SLCO1B1: variants seen among roughly 807,000 people sequenced by gnomAD.
SLCO1B1 encodes the protein solute carrier organic anion transporter family member 1B1.
In SLCO1B1, 81 loss-of-function variants were observed where a neutral mutation model predicts 70.1. That is an observed-to-expected ratio of 1.16 (90% CI 0.97 to 1.39). The LOEUF is 1.39. Ranked by LOEUF, SLCO1B1 falls within the 40% of genes most tolerant of loss-of-function variation. SLCO1B1 has a pLI of 0.00. For synonymous variants in SLCO1B1, 283 were observed against 271.5 expected, an observed-to-expected ratio of 1.04 and a Z score of -0.42; for missense variants, 895 against 799.6, an observed-to-expected ratio of 1.12 and a Z score of -1.44.
intron 2 of SLCO1B1, among the ~76,000 whole-genome samples, chr12:21,170,974 A>G (rs532493895): frequency 1.3e-5 from 2 of 152,332 alleles, no homozygotes; most frequent in African/African-American, 4.8e-5. Context: ...TCTTTGTGAC[A>G]GACACTGTCC....
intron 2 of SLCO1B1, among the ~76,000 whole-genome samples, chr12:21,162,563 T>A (rs557652014): frequency 3.9e-5 from 6 of 152,270 alleles, no homozygotes; most frequent in Admixed American, 2.0e-4. Flanking sequence ...TTCCCGTTGC[T>A]TCAAATGGAG....
chr12:21,169,663 T>C (rs1591807083), intron 2 of SLCO1B1, among the ~76,000 whole-genome samples: 1 of 152,308 alleles, frequency 6.6e-6, no homozygotes, highest in East Asian at 1.9e-4. Context: ...TTTTAATTCA[T>C]TGCACTACTT....
At chr12:21,133,879 A>T (rs904280156) in intron 1 of SLCO1B1, among the ~76,000 whole-genome samples, 4 of 152,102 alleles carry the variant, frequency 2.6e-5, no homozygotes, top group African/African-American at 9.7e-5. Flanking sequence ...GTTGAATAGG[A>T]GCAGTGAGAG....
chr12:21,220,327 A>G (rs1379111802), intron 12 of SLCO1B1, among the ~76,000 whole-genome samples: 1 of 152,196 alleles, frequency 6.6e-6, no homozygotes, highest in African/African-American at 2.4e-5. Context: ...CCTTGATGCC[A>G]GAGCCATAAA....
At chr12:21,153,956 A>C (rs562601365) in intron 2 of SLCO1B1, among the ~76,000 whole-genome samples, 1 of 152,160 alleles carries the variant, frequency 6.6e-6, no homozygotes, top group South Asian at 2.1e-4. Flanking sequence ...AAAAGCACAG[A>C]GGTAAATTTT....
intron 12 of SLCO1B1, among the ~76,000 whole-genome samples, chr12:21,220,527 T>C (rs1941411060): frequency 6.6e-6 from 1 of 152,040 alleles, no homozygotes; most frequent in African/African-American, 2.4e-5. Flanking sequence ...AATGAGATCT[T>C]CTAGGGACTG....
intron 2 of SLCO1B1, among the ~76,000 whole-genome samples, chr12:21,162,604 G>A (rs1940634820): frequency 6.6e-6 from 1 of 152,166 alleles, no homozygotes; most frequent in African/African-American, 2.4e-5. Context: ...GATAAATGAA[G>A]TGAGACGTAA....
At chr12:21,163,498 C>T (rs1189021776) in intron 2 of SLCO1B1, among the ~76,000 whole-genome samples, 1 of 152,124 alleles carries the variant, frequency 6.6e-6, no homozygotes, top group African/African-American at 2.4e-5. Context: ...CTTGAAATTG[C>T]AAACTCTGTC....
rs111534945 is a variant in SLCO1B1 at position 21,149,174 on chromosome 12, G to A, written c.84+7516G>A. Among the ~76,000 whole-genome samples, 1,126 of 152,244 alleles carry A rather than the reference G, an allele frequency of 7.4e-3. 12 individuals carry two copies. Among genetic ancestry groups the A allele is most frequent in the African/African-American group, 0.026 (1,064 of 41,548 alleles). On this transcript the variant is annotated intron_variant, in intron 2 of 14. Transcript: ENST00000256958. ...TACAATCATATCATCTGCAAACAAA[G>A]ACAATTTGACTTCCTCTCTTCTTAT...
At chr12:21,150,592 C>A (rs1940458051) in intron 2 of SLCO1B1, among the ~76,000 whole-genome samples, 1 of 152,088 alleles carries the variant, frequency 6.6e-6, no homozygotes, top group Admixed American at 6.6e-5. Flanking sequence ...AGCAGACCTG[C>A]AGCTGAGGGG....
At chr12:21,177,594 T>G (rs998536507) in intron 5 of SLCO1B1, among the ~76,000 whole-genome samples, 5 of 152,090 alleles carry the variant, frequency 3.3e-5, no homozygotes, top group African/African-American at 1.2e-4. Flanking sequence ...TGTATACGTT[T>G]GTAAATCTTT....
intron 11 of SLCO1B1, among the ~76,000 whole-genome samples, chr12:21,216,271 T>C (rs951995482): frequency 6.6e-6 from 1 of 152,098 alleles, no homozygotes; most frequent in Non-Finnish European, 1.5e-5. Context: ...TCTATATTAT[T>C]CCTAGTGAAA....
chr12:21,143,231 G>A (rs1591796908), intron 2 of SLCO1B1, among the ~76,000 whole-genome samples: 1 of 151,970 alleles, frequency 6.6e-6, no homozygotes, highest in African/African-American at 2.4e-5. Flanking sequence ...TTTAAATAAA[G>A]GGTATTTTAA....
chr12:21,140,615 A>T (rs1940295130), intron 1 of SLCO1B1, among the ~76,000 whole-genome samples: 1 of 152,032 alleles, frequency 6.6e-6, no homozygotes. Context: ...GCTGATGAAT[A>T]TAGAACCAGT....
Position 21,176,917 on chromosome 12 carries a change from G to A in SLCO1B1, c.481+20G>A. 1 of 1,523,820 alleles carries A rather than the reference G, an allele frequency of 6.6e-7. No individual in the cohort carries two copies. The allele number at this position is 1,523,820 out of a possible 1,614,324, so 94.4% of individuals were successfully genotyped here. On this transcript the variant is annotated intron_variant, in intron 5 of 14. Transcript: ENST00000256958. Reference sequence around the variant, plus strand: ...GAAAAGGTAAGAATTAATATTGACAGTAAAAAGTCTTCTAAAATGTATACA... The same window carrying A: ...GAAAAGGTAAGAATTAATATTGACAATAAAAAGTCTTCTAAAATGTATACA...
At position 21,174,720 on chromosome 12, in the gene SLCO1B1, A is replaced by T. The variant is rs1940798645; in HGVS notation, c.359+11A>T. The T allele has an allele frequency of 3.3e-6, 5 of 1,512,046 alleles. No homozygotes were observed. The highest frequency in any genetic ancestry group is 1.4e-5 in the African/African-American group (1 of 70,948). The allele number at this position is 1,512,046 out of a possible 1,614,324, so 93.7% of individuals were successfully genotyped here. A position where few individuals can be genotyped will look rare whatever the true frequency, so the allele number is the denominator to read the frequency against. ...TTTCTTCATGGGATAGTAAGTGTTA[A>T]AAAAAAAAAAAACCTCTGTGCCACT... On this transcript the variant is annotated intron_variant, in intron 4 of 14. Transcript: ENST00000256958.
At chr12:21,131,263 T>A (rs539988906) in intron 1 of SLCO1B1, 27 bp downstream of exon 1, 2 of 152,146 alleles carry the variant, frequency 1.3e-5, no homozygotes, top group East Asian at 3.9e-4. Context: ...TTCTCTAATT[T>A]TTACATATAT....
intron 8 of SLCO1B1, 86 bp downstream of exon 8, chr12:21,197,274 C>T: frequency 6.9e-7 from 1 of 1,458,164 alleles, no homozygotes; most frequent in Non-Finnish European, 9.4e-7. Flanking sequence ...TAAAGCATAC[C>T]CAACTCATCT....
At chr12:21,217,028 A>G in intron 11 of SLCO1B1, 91 bp from the exon 12 acceptor site, 2 of 941,330 alleles carry the variant, frequency 2.1e-6, no homozygotes, top group South Asian at 1.3e-5. Flanking sequence ...AGTTTGAACA[A>G]GTGAGACTTC....
Sources: allele counts gnomAD v4.1 joint callset (sites outside exome capture counted in the v4.1 genomes callset), GRCh38; gene constraint gnomAD v4.1.1; transcripts MANE v1.5; gene names NCBI Gene and HGNC (gene_info 2026-07-23, HGNC 2026-07-21).